The following PSG2 variants were observed in gnomAD, a reference collection of about 807,000 sequenced individuals.
PSG2 encodes pregnancy specific beta-1-glycoprotein 2, also known as pregnancy-specific beta-1-glycoprotein 2.
A neutral mutation model predicts 36.2 loss-of-function variants in PSG2; 49 were observed. The ratio of observed to expected loss-of-function variants is 1.35; its 90% CI spans 1.08 to 1.72. PSG2 has a LOEUF of 1.72. Among genes scored for constraint, PSG2 ranks in the 40% most tolerant of loss-of-function variants. The probability of loss-of-function intolerance (pLI) is 0.00; values close to 1 mark genes in which losing one functional copy is unlikely to be tolerated. For missense variants in PSG2, 605 were observed against 407.2 expected, an observed-to-expected ratio of 1.49 and a Z score of -4.18; for synonymous variants, 261 against 155.6, an observed-to-expected ratio of 1.68 and a Z score of -5.04.
chr19:43,070,139 C>G (rs557802295), intron 4 of PSG2, among the ~76,000 whole-genome samples: 6 of 151,560 alleles, frequency 4.0e-5, no homozygotes, highest in African/African-American at 1.5e-4. Flanking sequence ...CAATGTTACA[C>G]CACCTCACAC....
intron 4 of PSG2, among the ~76,000 whole-genome samples, chr19:43,070,674 G>A (rs187567366): frequency 2.0e-5 from 3 of 151,634 alleles, no homozygotes; most frequent in Non-Finnish European, 4.4e-5. Context: ...AATTAGAATG[G>A]TGGGTGCTAA....
rs560187957 is a variant in PSG2 at position 43,079,413 on chromosome 19, G to A, written c.430+1468C>T. ...CTTCTGAAGGACAAGGGACAGGTGT[G>A]GCTAGGACCTCCTAGGATTCTGCAT... On this transcript the variant is annotated intron_variant, in intron 2 of 5. Coordinates refer to ENST00000406487, the MANE Select transcript of PSG2 (RefSeq NM_031246.4). Among the ~76,000 whole-genome samples the A allele has an allele frequency of 5.3e-5, 8 of 151,560 alleles. No individual in the cohort carries two copies. In the South Asian group the frequency reaches 1.3e-3, roughly 24 times the overall value.
chr19:43,065,400 A>G (rs1480846418), intron 5 of PSG2: 1 of 151,496 alleles, frequency 6.6e-6, no homozygotes, highest in South Asian at 2.1e-4. Flanking sequence ...ATTTAGTTTT[A>G]AGTTCTACCT....
Position 43,071,801 on chromosome 19 carries a change from A to T in PSG2, c.863T>A (p.Ile288Asn). ...KFQQSGQNLF[I>N]PQITTKHSGL... Reference sequence around the variant, plus strand: ...GCTATGCTTTGTAGTAATTTGGGGGATAAACAGATTTTGTCCTGATTGCTG... The same window carrying T: ...GCTATGCTTTGTAGTAATTTGGGGGTTAAACAGATTTTGTCCTGATTGCTG... The change falls in exon 4 of 6, where the codon ATC (isoleucine) becomes AAC (asparagine). Residue 288 changes from isoleucine to asparagine, a missense_variant. By Grantham distance (149) the Ile-to-Asn change is moderately radical (BLOSUM62 -3). Coordinates refer to ENST00000406487, the MANE Select transcript of PSG2 (RefSeq NM_031246.4). 4 of 1,612,908 alleles carry T rather than the reference A, an allele frequency of 2.5e-6. No homozygotes were observed. The highest frequency in any genetic ancestry group is 3.4e-6 in the Non-Finnish European group (4 of 1,179,478).
At chr19:43,064,768 G>T (rs1457815732) in intron 5 of PSG2, among the ~76,000 whole-genome samples, 167 bp from the exon 6 acceptor site, 1 of 151,612 alleles carries the variant, frequency 6.6e-6, no homozygotes, top group Non-Finnish European at 1.5e-5. Context: ...TTACTTCTGT[G>T]GCATATGACA....
rs535163907 is a variant in PSG2 at position 43,082,435 on chromosome 19, C to T, written c.64+71G>A. The T allele has an allele frequency of 2.3e-5, 36 of 1,583,610 alleles. No individual in the cohort carries two copies. The East Asian group carries it at 3.1e-4, about 14-fold the overall frequency. ...CTTCTTTCATTTTTTAGAACCCCAT[C>T]CTCTCCAGGAGACCCCATCCAGTCA... On this transcript the variant is annotated intron_variant, in intron 1 of 5. Transcript: ENST00000406487.
intron 4 of PSG2, among the ~76,000 whole-genome samples, chr19:43,068,595 T>A (rs554394203): frequency 6.6e-6 from 1 of 151,522 alleles, no homozygotes; most frequent in Non-Finnish European, 1.5e-5. Context: ...ATAGACAAAC[T>A]CCTAGAAACA....
chr19:43,072,230 G>T, intron 3 of PSG2: 1 of 1,495,500 alleles, frequency 6.7e-7, no homozygotes, highest in Non-Finnish European at 9.0e-7. Flanking sequence ...GGGAGTCATG[G>T]CCAGCTTGGA....
chr19:43,068,656 A>C (rs1219540013), intron 4 of PSG2, among the ~76,000 whole-genome samples: 1 of 151,728 alleles, frequency 6.6e-6, no homozygotes, highest in Non-Finnish European at 1.5e-5. Flanking sequence ...AATCAATAAA[A>C]GCATTTGATG....
chr19:43,068,634 CTAA>C (rs1967775469), intron 4 of PSG2, among the ~76,000 whole-genome samples: 2 of 151,572 alleles, frequency 1.3e-5, no homozygotes, highest in South Asian at 2.1e-4. Context: ...ACTATAATCA[CTAA>C]TAAGATTGAA....
chr19:43,076,939 G>T (rs530058758), intron 2 of PSG2, among the ~76,000 whole-genome samples: 1 of 144,810 alleles, frequency 6.9e-6, no homozygotes, highest in South Asian at 2.1e-4. Context: ...CACATCAGTG[G>T]TCAGAAGGGT....
chr19:43,066,131 T>C (rs28414000), intron 5 of PSG2, among the ~76,000 whole-genome samples: 4,722 of 151,746 alleles, frequency 0.031, 401 homozygotes, highest in African/African-American at 0.11. Context: ...GAGGCAATCA[T>C]ATGCAAGGAA....
At position 43,071,612 on chromosome 19, in the gene PSG2, G is replaced by A. The variant is rs10425485; in HGVS notation, c.964+88C>T. The A allele has an allele frequency of 5.4e-3, 8,670 of 1,611,002 alleles. 674 individuals carry two copies. The African/African-American group carries it at 0.1, about 19-fold the overall frequency. Reference sequence around the variant, plus strand: ...GCTTTTGCCCATGGGACACAGGCTGGGAATAAAAATGTTTTCCTGACTCTT... The same window carrying A: ...GCTTTTGCCCATGGGACACAGGCTGAGAATAAAAATGTTTTCCTGACTCTT... On this transcript the variant is annotated intron_variant, in intron 4 of 5. Transcript: ENST00000406487.
chr19:43,077,250 T>C (rs543945317), intron 2 of PSG2, among the ~76,000 whole-genome samples: 2 of 151,606 alleles, frequency 1.3e-5, no homozygotes, highest in East Asian at 1.9e-4. Context: ...CCAAAGGTGA[T>C]TGGAAATTAG....
intron 2 of PSG2, among the ~76,000 whole-genome samples, chr19:43,077,233 A>G (rs1289326982): frequency 2.0e-5 from 3 of 151,676 alleles, no homozygotes; most frequent in African/African-American, 7.3e-5. Flanking sequence ...ATGCTCAAAG[A>G]AAGATGCCAA....
intron 1 of PSG2, 131 bp from the exon 2 acceptor site, chr19:43,081,377 A>ACG (rs1967972658): frequency 7.5e-7 from 1 of 1,330,460 alleles, no homozygotes; most frequent in Non-Finnish European, 1.0e-6. Context: ...ACACACACAC[A>ACG]CACACACACA....
chr19:43,081,620 T>G (rs147958371), intron 1 of PSG2, among the ~76,000 whole-genome samples: 5,268 of 151,582 alleles, frequency 0.035, 428 homozygotes, highest in African/African-American at 0.12. Flanking sequence ...ACCCTGGGTC[T>G]TCCCTTTCTG....
chr19:43,064,645 T>A (rs940531766), intron 5 of PSG2, 44 bp from the exon 6 acceptor site: 16 of 577,298 alleles, frequency 2.8e-5, no homozygotes, highest in Non-Finnish European at 4.2e-5. Flanking sequence ...TTGTAAGTAG[T>A]TTGAGGAAGA....
At chr19:43,081,632 C>G (rs1967977302) in intron 1 of PSG2, among the ~76,000 whole-genome samples, 1 of 151,708 alleles carries the variant, frequency 6.6e-6, no homozygotes, top group Admixed American at 6.6e-5. Context: ...CCCTTTCTGA[C>G]CTTTCCCTGC....
Sources: allele counts gnomAD v4.1 joint callset (sites outside exome capture counted in the v4.1 genomes callset), GRCh38; gene constraint gnomAD v4.1.1; transcripts MANE v1.5; gene names NCBI Gene and HGNC (gene_info 2026-07-23, HGNC 2026-07-21).